The following KCNJ4 variants were observed in gnomAD, a reference collection of about 807,000 sequenced individuals.
The protein encoded by KCNJ4 is potassium inwardly rectifying channel subfamily J member 4.
KCNJ4 carries 3 observed loss-of-function variants against 25.6 expected under a neutral mutation model. The observed-to-expected ratio is 0.12, with a 90% confidence interval of 0.05 to 0.30. KCNJ4 has a LOEUF of 0.30. Among genes scored for constraint, KCNJ4 ranks in the 10% least tolerant of loss-of-function variants. The pLI is 1.00. For missense variants in KCNJ4, 286 were observed against 666.8 expected (o/e 0.43, Z 6.29); for synonymous variants, 257 against 283.9 (o/e 0.91, Z 0.95).
intron 1 of KCNJ4, among the ~76,000 whole-genome samples, chr22:38,448,476 T>C (rs2089390796): frequency 6.6e-6 from 1 of 152,092 alleles, no homozygotes; most frequent in African/African-American, 2.4e-5. Context: ...CCCAGGCCCC[T>C]GACGCAGGCC....
intron 1 of KCNJ4, among the ~76,000 whole-genome samples, chr22:38,451,664 C>T (rs2145950143): frequency 6.6e-6 from 1 of 152,276 alleles, no homozygotes; most frequent in Non-Finnish European, 1.5e-5. Context: ...GAGCCAGAAG[C>T]CCTGGATTCA....
intron 1 of KCNJ4, among the ~76,000 whole-genome samples, chr22:38,440,885 C>G (rs1771348460): frequency 6.6e-6 from 1 of 152,182 alleles, no homozygotes; most frequent in African/African-American, 2.4e-5. Context: ...TGTGCAGTGG[C>G]TTTGAACATC....
intron 1 of KCNJ4, among the ~76,000 whole-genome samples, chr22:38,447,646 G>C (rs574726937): frequency 6.6e-6 from 1 of 152,178 alleles, no homozygotes; most frequent in Non-Finnish European, 1.5e-5. Context: ...TCACTGAGGT[G>C]TCCCAGGGGC....
Position 38,443,884 on chromosome 22 carries a change from C to A in KCNJ4, c.-40+11096G>T, listed in dbSNP as rs534789656. On this transcript the variant is annotated intron_variant, in intron 1 of 1. Transcript: ENST00000303592. This position sits in a 1 kb window ranked among gnomAD's most constrained non-coding sequence, Gnocchi z 4.1. ...CAGGGCACTCGGGATGAACGCCCCG[C>A]CTCAGAGAGGTCCTGCCCTCTCTGA... Among the ~76,000 whole-genome samples the A allele has an allele frequency of 3.9e-5, 6 of 152,290 alleles. No individual in the cohort carries two copies. In the East Asian group the frequency reaches 1.2e-3, roughly 29 times the overall value.
At chr22:38,440,314 G>A (rs550890274) in intron 1 of KCNJ4, among the ~76,000 whole-genome samples, 1 of 152,136 alleles carries the variant, frequency 6.6e-6, no homozygotes, top group Non-Finnish European at 1.5e-5. Flanking sequence ...GGCTGACGTG[G>A]GCAAATCACC....
chr22:38,433,978 C>T (rs1569120089), intron 1 of KCNJ4, among the ~76,000 whole-genome samples: 1 of 152,224 alleles, frequency 6.6e-6, no homozygotes, highest in Non-Finnish European at 1.5e-5. Context: ...GCAGCAGCCT[C>T]GGCAGGTCCC....
At chr22:38,433,442 G>A (rs760949469) in intron 1 of KCNJ4, among the ~76,000 whole-genome samples, 5 of 152,012 alleles carry the variant, frequency 3.3e-5, no homozygotes, top group African/African-American at 9.7e-5. Context: ...GTGAAACTCC[G>A]TCTCAAAAAA....
rs755886046 is a variant in KCNJ4 at position 38,426,876 on chromosome 22, G to C, written c.1257C>G (p.Phe419Leu). The C allele has an allele frequency of 1.2e-6, 2 of 1,613,216 alleles. No homozygotes were observed. The highest frequency in any genetic ancestry group is 1.7e-6 in the Non-Finnish European group (2 of 1,179,976). The change falls in exon 2 of 2, where the codon TTC becomes TTG. Residue 419 changes from phenylalanine (F) to leucine (L), a missense_variant. Coordinates refer to ENST00000303592, the MANE Select transcript of KCNJ4 (RefSeq NM_152868.3). ...TGCGCTCCAGGTCCAGGTGGCTGCC[G>C]AACTCCAGCATCCGGATGATGCCCG... ...EEAGIIRMLE[F>L]GSHLDLERMQ...
intron 1 of KCNJ4, among the ~76,000 whole-genome samples, chr22:38,435,491 G>A (rs977081228): frequency 1.3e-5 from 2 of 152,042 alleles, no homozygotes; most frequent in Non-Finnish European, 2.9e-5. Context: ...TCAGGAGTTC[G>A]AGACCAGCCT....
intron 1 of KCNJ4, among the ~76,000 whole-genome samples, chr22:38,450,451 AG>A (rs1278856456): frequency 6.6e-6 from 1 of 152,150 alleles, no homozygotes; most frequent in Non-Finnish European, 1.5e-5. Context: ...CTCTCCTGCC[AG>A]CCAGGTCCCA....
chr22:38,455,033 C>T lies in KCNJ4; in HGVS notation c.-93G>A, dbSNP rs1372203423. 1 of 151,452 alleles carries T rather than the reference C, an allele frequency of 6.6e-6. No homozygotes were observed. Among genetic ancestry groups the T allele is most frequent in the Non-Finnish European group, 1.5e-5 (1 of 67,796 alleles). 9.4% of individuals were successfully genotyped at this position (151,452 alleles called of 1,614,324 possible). A position where few individuals can be genotyped will look rare whatever the true frequency, so the allele number is the denominator to read the frequency against. ...GGGAGGCGGCGAGCGGGCGCTACAT[C>T]CCAAGGCGCGATCCGGCGGGCGGCG... On this transcript the variant is annotated 5_prime_UTR_variant, in exon 1 of 2. Coordinates refer to ENST00000303592, the MANE Select transcript of KCNJ4 (RefSeq NM_152868.3).
chr22:38,426,721 G>A lies in KCNJ4; in HGVS notation c.*74C>T. ...AGCCAGGGTTGGCTCTGTCCTGAGT[G>A]TGGGAGGGGGTGTCCTGGCATCCCA... On this transcript the variant is annotated 3_prime_UTR_variant, in exon 2 of 2. Transcript: ENST00000303592. The A allele has an allele frequency of 1.3e-6, 2 of 1,523,110 alleles. No individual in the cohort carries two copies. Among genetic ancestry groups the A allele is most frequent in the Admixed American group, 1.9e-5 (1 of 51,292 alleles). 94.3% of individuals were successfully genotyped at this position (1,523,110 alleles called of 1,614,324 possible).
chr22:38,449,425 G>A lies in KCNJ4; in HGVS notation c.-40+5555C>T, dbSNP rs1179403672. On this transcript the variant is annotated intron_variant, in intron 1 of 1. Transcript: ENST00000303592. The surrounding 1 kb of genome is among the most constrained non-coding windows in gnomAD (Gnocchi z 5.2). ...TCATGAATATGAAGCCCAGCGCTGA[G>A]CCTGGCACTCAGCTTCCCTCCTGCA... 1.3e-5 allele frequency among the ~76,000 whole-genome samples: 2 copies of A among 152,166 alleles called. No homozygotes were observed. Among genetic ancestry groups the A allele is most frequent in the Admixed American group, 1.3e-4 (2 of 15,282 alleles).
Position 38,428,210 on chromosome 22 carries a change from C to T in KCNJ4, c.-39-39G>A, listed in dbSNP as rs139327317. 105 of 1,517,234 alleles carry T rather than the reference C, an allele frequency of 6.9e-5. No homozygotes were observed. In the Middle Eastern group the frequency reaches 7.4e-4, roughly 11 times the overall value. The allele number at this position is 1,517,234 out of a possible 1,614,324, so 94.0% of individuals were successfully genotyped here. A position where few individuals can be genotyped will look rare whatever the true frequency, so the allele number is the denominator to read the frequency against. On this transcript the variant is annotated intron_variant, in intron 1 of 1. Coordinates refer to ENST00000303592, the MANE Select transcript of KCNJ4 (RefSeq NM_152868.3). The stretch of plus-strand genomic sequence containing the variant: ...GCCGGACAGGTGAGATGCTGGGGAG[C>T]GAGGGGCTCCCTCGGGGCCACTCAG...
At chr22:38,454,211 C>T (rs1241622329) in intron 1 of KCNJ4, among the ~76,000 whole-genome samples, 1 of 152,192 alleles carries the variant, frequency 6.6e-6, no homozygotes, top group Non-Finnish European at 1.5e-5. Flanking sequence ...CTCTAGCCCG[C>T]CGCTCCACCC....
intron 1 of KCNJ4, among the ~76,000 whole-genome samples, chr22:38,445,074 C>CGT (rs766171651): frequency 1.1e-4 from 16 of 151,388 alleles, no homozygotes; most frequent in African/African-American, 3.2e-4. Flanking sequence ...CGTGTGTGTG[C>CGT]GTGTGTGTGT....
At chr22:38,430,080 G>A (rs1215759931) in intron 1 of KCNJ4, among the ~76,000 whole-genome samples, 3 of 149,970 alleles carry the variant, frequency 2.0e-5, no homozygotes, top group African/African-American at 4.9e-5. Flanking sequence ...CCCTGACTCC[G>A]AGTTCTTCTC....
At chr22:38,442,236 T>G (rs529956357) in intron 1 of KCNJ4, among the ~76,000 whole-genome samples, 3 of 152,258 alleles carry the variant, frequency 2.0e-5, no homozygotes, top group Non-Finnish European at 4.4e-5. Context: ...CACATGCATA[T>G]TTTCCAGAGA....
intron 1 of KCNJ4, among the ~76,000 whole-genome samples, chr22:38,435,332 G>A (rs1348567523): frequency 6.6e-6 from 1 of 152,182 alleles, no homozygotes; most frequent in Non-Finnish European, 1.5e-5. Context: ...GTCAGGGGAC[G>A]CAGCCCAGGG....
Sources: gnomAD v4.1 joint callset for allele counts (sites outside exome capture counted in the v4.1 genomes callset) on GRCh38, gnomAD v4.1.1 for gene constraint, Gnocchi (gnomAD v3.1) non-coding constraint, MANE v1.5 for transcripts, NCBI Gene and HGNC (gene_info 2026-07-23, HGNC 2026-07-21) for gene names.